Variants in CCDC149 observed in about 807,000 individuals in gnomAD.
CCDC149 encodes the protein coiled-coil domain-containing protein 149.
Under a neutral mutation model 59.9 loss-of-function variants are expected in CCDC149, and 45 were observed. The ratio of observed to expected loss-of-function variants is 0.75; its 90% CI spans 0.59 to 0.96. The LOEUF (loss-of-function observed/expected upper bound fraction) is 0.96, where lower values mean the gene tolerates loss of function less well. CCDC149 is among the 40% of genes least tolerant of loss of function. The pLI, the probability that CCDC149 is intolerant of heterozygous loss-of-function variation, is 0.00. For missense variants in CCDC149, 584 were observed against 664.7 expected, an observed-to-expected ratio of 0.88 and a Z score of 1.33; for synonymous variants, 245 against 260.6, an observed-to-expected ratio of 0.94 and a Z score of 0.58.
At chr4:24,889,352 G>T (rs1720391997) in intron 1 of CCDC149, among the ~76,000 whole-genome samples, 1 of 152,138 alleles carries the variant, frequency 6.6e-6, no homozygotes, top group African/African-American at 2.4e-5. Context: ...GTTGAAGATA[G>T]CATCTATTTC....
chr4:24,928,243 G>A (rs1193509476), intron 1 of CCDC149, among the ~76,000 whole-genome samples: 1 of 152,220 alleles, frequency 6.6e-6, no homozygotes, highest in African/African-American at 2.4e-5. Flanking sequence ...ATTACTGTGT[G>A]CAAAGCAACA....
intron 1 of CCDC149, among the ~76,000 whole-genome samples, chr4:24,879,693 A>G (rs1010012212): frequency 2.6e-5 from 4 of 151,814 alleles, no homozygotes; most frequent in African/African-American, 9.7e-5. Context: ...TCAAAAAAAA[A>G]AAAAAGAAAG....
intron 1 of CCDC149, among the ~76,000 whole-genome samples, chr4:24,949,931 G>A (rs1165339814): frequency 2.0e-5 from 3 of 152,186 alleles, no homozygotes; most frequent in African/African-American, 4.8e-5. Context: ...GTGCACAGAG[G>A]GGACAGCAGA....
intron 4 of CCDC149, among the ~76,000 whole-genome samples, chr4:24,852,111 A>G (rs1184015354): frequency 6.6e-6 from 1 of 151,788 alleles, no homozygotes; most frequent in Non-Finnish European, 1.5e-5. Flanking sequence ...ATTATGGAAG[A>G]GCTCTCTGGA....
chr4:24,822,263 TC>T lies in CCDC149; in HGVS notation c.1042+233del, dbSNP rs1222644239. On this transcript the variant is annotated intron_variant, in intron 10 of 12. Transcript: ENST00000635206. ...ATTCAGGTTTGCTAAACTTCATAGTTCCACAGATGAAACCCTGAATATTTAC... is the reference window on the plus strand; with the variant it reads ...ATTCAGGTTTGCTAAACTTCATAGTTCACAGATGAAACCCTGAATATTTAC... 2.0e-5 allele frequency among the ~76,000 whole-genome samples: 3 copies of T among 152,220 alleles called. No homozygotes were observed. The South Asian group carries it at 6.2e-4, about 32-fold the overall frequency.
At chr4:24,904,027 T>C (rs1348169458) in intron 1 of CCDC149, among the ~76,000 whole-genome samples, 1 of 152,144 alleles carries the variant, frequency 6.6e-6, no homozygotes, top group East Asian at 1.9e-4. Flanking sequence ...CTCGAACTCC[T>C]GACCTCAGGT....
At chr4:24,938,955 T>G (rs1402973355) in intron 1 of CCDC149, among the ~76,000 whole-genome samples, 2 of 152,204 alleles carry the variant, frequency 1.3e-5, no homozygotes, top group Non-Finnish European at 2.9e-5. Context: ...CTCTGTAGGC[T>G]CCACCTCTGG....
At chr4:24,850,187 CT>C (rs1347254215) in intron 4 of CCDC149, among the ~76,000 whole-genome samples, 1 of 151,962 alleles carries the variant, frequency 6.6e-6, no homozygotes, top group Non-Finnish European at 1.5e-5. Flanking sequence ...TTTTTGTTCC[CT>C]TTATTCATTC....
intron 1 of CCDC149, among the ~76,000 whole-genome samples, chr4:24,939,797 G>A (rs374523550): frequency 5.7e-4 from 87 of 152,294 alleles, no homozygotes; most frequent in African/African-American, 1.8e-3. Flanking sequence ...GGGTATCAGC[G>A]ATGGAAGATG....
intron 2 of CCDC149, among the ~76,000 whole-genome samples, chr4:24,875,086 A>G (rs1577437607): frequency 1.3e-5 from 2 of 152,194 alleles, no homozygotes; most frequent in Non-Finnish European, 2.9e-5. Flanking sequence ...AGGCGGGCAG[A>G]TCACGAGGTC....
chr4:24,907,939 T>G (rs1239620650), intron 1 of CCDC149, among the ~76,000 whole-genome samples: 2 of 152,194 alleles, frequency 1.3e-5, no homozygotes, highest in Admixed American at 6.5e-5. Flanking sequence ...AGTTTCTGCC[T>G]CTGTTGTCAC....
At chr4:24,927,452 G>C (rs574394195) in intron 1 of CCDC149, among the ~76,000 whole-genome samples, 1 of 152,176 alleles carries the variant, frequency 6.6e-6, no homozygotes, top group Non-Finnish European at 1.5e-5. Context: ...AAACAGCTGC[G>C]TTTATTTGCA....
chr4:24,824,356 A>G (rs1195002027), intron 9 of CCDC149, among the ~76,000 whole-genome samples: 1 of 152,208 alleles, frequency 6.6e-6, no homozygotes, highest in East Asian at 1.9e-4. Context: ...TGGACTCAGT[A>G]GAAGTTATGA....
intron 1 of CCDC149, among the ~76,000 whole-genome samples, chr4:24,976,206 C>T (rs975726400): frequency 3.9e-5 from 6 of 152,142 alleles, no homozygotes; most frequent in Admixed American, 2.6e-4. Flanking sequence ...TCAAAGAGAT[C>T]CTTACTAATC....
chr4:24,868,192 T>G (rs1034337224), intron 3 of CCDC149, among the ~76,000 whole-genome samples: 2 of 152,150 alleles, frequency 1.3e-5, no homozygotes, highest in African/African-American at 4.8e-5. Context: ...TGCCTCTCCC[T>G]TTCCATACTT....
At chr4:24,918,198 T>G (rs921801727) in intron 1 of CCDC149, among the ~76,000 whole-genome samples, 6 of 152,170 alleles carry the variant, frequency 3.9e-5, no homozygotes, top group Admixed American at 3.3e-4. Context: ...AAGGACCTAC[T>G]GTGTACACAG....
chr4:24,920,219 T>C (rs1458115858), intron 1 of CCDC149, among the ~76,000 whole-genome samples: 1 of 152,230 alleles, frequency 6.6e-6, no homozygotes. Flanking sequence ...GTGGTTTTCA[T>C]GTGGAGTTTC....
chr4:24,820,218 T>C, intron 11 of CCDC149: 2 of 436,048 alleles, frequency 4.6e-6, no homozygotes, highest in South Asian at 3.8e-5. Context: ...TATAGGCCAT[T>C]TTTTTCTTTC....
intron 3 of CCDC149, among the ~76,000 whole-genome samples, chr4:24,872,914 T>C (rs1275098683): frequency 6.6e-6 from 1 of 150,954 alleles, no homozygotes; most frequent in Admixed American, 6.6e-5. Context: ...CTGAACAGTA[T>C]GTAACCACTG....
Sources: allele counts gnomAD v4.1 joint callset (sites outside exome capture counted in the v4.1 genomes callset), GRCh38; gene constraint gnomAD v4.1.1; transcripts MANE v1.5; gene names NCBI Gene and HGNC (gene_info 2026-07-23, HGNC 2026-07-21).